SLC25A31: variants seen among roughly 807,000 people sequenced by gnomAD.
The protein encoded by SLC25A31 is solute carrier family 25 member 31.
Under a neutral mutation model 36.2 loss-of-function variants are expected in SLC25A31, and 40 were observed. The ratio of observed to expected loss-of-function variants is 1.10; its 90% CI spans 0.86 to 1.44. SLC25A31 has a LOEUF of 1.44. Ranked by LOEUF, SLC25A31 falls within the 40% of genes most tolerant of loss-of-function variation. The pLI, the probability that SLC25A31 is intolerant of heterozygous loss-of-function variation, is 0.00. For missense variants in SLC25A31, 350 were observed against 397.1 expected, an observed-to-expected ratio of 0.88 and a Z score of 1.01; for synonymous variants, 143 against 149.7, an observed-to-expected ratio of 0.96 and a Z score of 0.32.
chr4:127,738,091 G>T (rs184307015), intron 1 of SLC25A31, among the ~76,000 whole-genome samples: 30 of 151,980 alleles, frequency 2.0e-4, no homozygotes, highest in Admixed American at 5.9e-4. Context: ...CTTTTTAGGA[G>T]AGGGTCTCAC....
At chr4:127,733,765 A>G (rs1003280721) in intron 1 of SLC25A31, among the ~76,000 whole-genome samples, 5 of 152,134 alleles carry the variant, frequency 3.3e-5, no homozygotes, top group African/African-American at 7.2e-5. Flanking sequence ...TTTTATTCAC[A>G]ACTTTTCCTT....
intron 3 of SLC25A31, 135 bp downstream of exon 3, chr4:127,764,495 C>A: frequency 1.5e-6 from 1 of 647,084 alleles, no homozygotes; most frequent in Non-Finnish European, 2.6e-6. Flanking sequence ...ATGGTGGAGT[C>A]ATAGGGCCTA....
chr4:127,734,556 C>CA (rs34838538), intron 1 of SLC25A31, among the ~76,000 whole-genome samples: 845 of 62,236 alleles, frequency 0.014, 34 homozygotes, highest in Non-Finnish European at 0.019. Context: ...AAGACTGTCT[C>CA]AAAAAAAAAA....
chr4:127,741,141 A>G (rs1192020423), intron 1 of SLC25A31, among the ~76,000 whole-genome samples: 1 of 152,136 alleles, frequency 6.6e-6, no homozygotes, highest in Non-Finnish European at 1.5e-5. Context: ...GTTTGTTGGC[A>G]TATTTAGGGT....
chr4:127,756,527 G>A (rs572622375), intron 2 of SLC25A31, among the ~76,000 whole-genome samples: 2 of 152,232 alleles, frequency 1.3e-5, no homozygotes, highest in Admixed American at 1.3e-4. Flanking sequence ...TGTACACCAT[G>A]AGACTGTAGT....
At chr4:127,743,317 G>A (rs1731766902) in intron 1 of SLC25A31, among the ~76,000 whole-genome samples, 1 of 151,862 alleles carries the variant, frequency 6.6e-6, no homozygotes, top group South Asian at 2.1e-4. Flanking sequence ...TTAATTTTTT[G>A]TAGAGATGCG....
chr4:127,770,959 T>C (rs1732347768), intron 5 of SLC25A31, among the ~76,000 whole-genome samples: 3 of 143,492 alleles, frequency 2.1e-5, no homozygotes, highest in Non-Finnish European at 4.6e-5. Context: ...CTTTTTTTTT[T>C]TTTTTTTTTT....
intron 2 of SLC25A31, among the ~76,000 whole-genome samples, chr4:127,752,746 A>G (rs1731959572): frequency 6.6e-6 from 1 of 152,246 alleles, no homozygotes; most frequent in Non-Finnish European, 1.5e-5. Flanking sequence ...TGCACTCTAC[A>G]TCGGAGCACC....
At chr4:127,758,147 A>AC (rs1297277309) in intron 2 of SLC25A31, among the ~76,000 whole-genome samples, 1 of 151,850 alleles carries the variant, frequency 6.6e-6, no homozygotes, top group Non-Finnish European at 1.5e-5. Flanking sequence ...TTACCCCACC[A>AC]CCCCCGGGTC....
chr4:127,763,699 G>A (rs780664841), intron 2 of SLC25A31, among the ~76,000 whole-genome samples: 14 of 152,114 alleles, frequency 9.2e-5, no homozygotes, highest in South Asian at 2.1e-4. Context: ...AATTAAATAC[G>A]TATTTTTGAG....
chr4:127,773,149 A>G (rs1265564885), intron 5 of SLC25A31, among the ~76,000 whole-genome samples: 1 of 152,158 alleles, frequency 6.6e-6, no homozygotes, highest in Non-Finnish European at 1.5e-5. Flanking sequence ...AGGATAAATC[A>G]TGGTCTATGT....
chr4:127,769,183 G>T (rs929857017), intron 5 of SLC25A31, among the ~76,000 whole-genome samples: 3 of 152,082 alleles, frequency 2.0e-5, no homozygotes, highest in South Asian at 2.1e-4. Context: ...TGAAATATTA[G>T]ATTAAGTAGA....
chr4:127,754,154 CA>C (rs1731986796), intron 2 of SLC25A31, among the ~76,000 whole-genome samples: 1 of 151,802 alleles, frequency 6.6e-6, no homozygotes, highest in Non-Finnish European at 1.5e-5. Context: ...TATCTCAACA[CA>C]AAAAAAGATC....
intron 1 of SLC25A31, among the ~76,000 whole-genome samples, chr4:127,735,115 A>C (rs560825716): frequency 2.0e-4 from 31 of 152,374 alleles, no homozygotes; most frequent in African/African-American, 7.2e-4. Context: ...GATGAACCAC[A>C]AGAAAAAGCT....
chr4:127,773,245 A>C, intron 5 of SLC25A31, 141 bp from the exon 6 acceptor site: 1 of 626,042 alleles, frequency 1.6e-6, no homozygotes, highest in Non-Finnish European at 2.5e-6. Flanking sequence ...TCTAACCACC[A>C]GGGACAGTAG....
intron 1 of SLC25A31, among the ~76,000 whole-genome samples, chr4:127,740,147 G>C: frequency 6.6e-6 from 1 of 152,240 alleles, no homozygotes; most frequent in South Asian, 2.1e-4. Flanking sequence ...TTTTTGTGGT[G>C]CCTGATTTCT....
chr4:127,754,621 A>G (rs1731996795), intron 2 of SLC25A31, among the ~76,000 whole-genome samples: 1 of 152,118 alleles, frequency 6.6e-6, no homozygotes, highest in Non-Finnish European at 1.5e-5. Context: ...AACACTGATT[A>G]AAGAAACTGA....
At chr4:127,752,434 G>T (rs1023976534) in intron 2 of SLC25A31, among the ~76,000 whole-genome samples, 3 of 152,056 alleles carry the variant, frequency 2.0e-5, no homozygotes, top group Non-Finnish European at 4.4e-5. Context: ...TAGGGGGAGG[G>T]GGGAGGATAG....
At chr4:127,751,335 T>C (rs1338109640) in intron 2 of SLC25A31, among the ~76,000 whole-genome samples, 1 of 152,214 alleles carries the variant, frequency 6.6e-6, no homozygotes, top group Non-Finnish European at 1.5e-5. Flanking sequence ...GGATTCCCTA[T>C]TTAATAAATG....
Sources: gnomAD v4.1 joint callset for allele counts (sites outside exome capture counted in the v4.1 genomes callset) on GRCh38, gnomAD v4.1.1 for gene constraint, MANE v1.5 for transcripts, NCBI Gene and HGNC (gene_info 2026-07-23, HGNC 2026-07-21) for gene names.